Variants in OTUD7B observed in about 807,000 individuals in gnomAD.
OTUD7B encodes OTU deubiquitinase 7B, also known as OTU domain-containing protein 7B.
In OTUD7B, 34 loss-of-function variants were observed where a neutral mutation model predicts 82.2. That is an observed-to-expected ratio of 0.41 (90% CI 0.31 to 0.55). OTUD7B has a LOEUF of 0.55. OTUD7B is among the 20% of genes least tolerant of loss of function. OTUD7B has a pLI of 0.20. For missense variants in OTUD7B, 944 were observed against 1,062.1 expected (o/e 0.89, Z 1.55); for synonymous variants, 398 against 402.7 (o/e 0.99, Z 0.14).
the OTUD7B span, among the ~76,000 whole-genome samples, chr1:150,048,106 T>A: frequency 6.6e-6 from 1 of 152,066 alleles, no homozygotes; most frequent in Non-Finnish European, 1.5e-5. Flanking sequence ...AAATAGTTCC[T>A]AAATATCCCA....
rs1553771666 is a variant in OTUD7B at position 149,944,813 on chromosome 1, G to C, written c.1576C>G (p.His526Asp). Reference protein sequence around the residue: ...KLKKNMGGLMHSKGSKPGGVG... With the variant: ...KLKKNMGGLMDSKGSKPGGVG... ...CCTCCAGGCTTTGAACCCTTGCTGT[G>C]CATCAGGCCCCCCATGTTCTTCTTG... The change falls in exon 12 of 12, where the codon CAC (histidine) becomes GAC (aspartate). Residue 526 changes from histidine to aspartate, a missense_variant. His to Asp is a moderately conservative substitution (Grantham distance 81, BLOSUM62 -1). Around this residue, in one of 3 missense-constraint regions of OTUD7B, gnomAD observed 412 missense variants for 418.7 expected, o/e 0.98. Coordinates refer to ENST00000581312, the MANE Select transcript of OTUD7B (RefSeq NM_020205.4). 1.2e-6 allele frequency: 2 copies of C among 1,613,952 alleles called. No homozygotes were observed. Among genetic ancestry groups the C allele is most frequent in the Admixed American group, 3.3e-5 (2 of 59,990 alleles).
At chr1:150,000,283 G>A (rs782346728) in intron 1 of OTUD7B, among the ~76,000 whole-genome samples, 1 of 152,074 alleles carries the variant, frequency 6.6e-6, no homozygotes, top group Non-Finnish European at 1.5e-5. Context: ...AGACCAGCCT[G>A]GCTAACATTA....
intron 1 of OTUD7B, among the ~76,000 whole-genome samples, chr1:149,979,775 C>A (rs1650585295): frequency 6.6e-6 from 1 of 152,078 alleles, no homozygotes; most frequent in Non-Finnish European, 1.5e-5. Flanking sequence ...TGAATCCTCC[C>A]CCTACCCCCC....
chr1:150,065,257 A>T, the OTUD7B span, among the ~76,000 whole-genome samples: 1 of 152,062 alleles, frequency 6.6e-6, no homozygotes, highest in Non-Finnish European at 1.5e-5. Context: ...ATTTTTTTGT[A>T]CAGACAGAGT....
intron 1 of OTUD7B, among the ~76,000 whole-genome samples, chr1:149,990,762 G>A (rs782646886): frequency 3.3e-5 from 5 of 152,262 alleles, no homozygotes; most frequent in East Asian, 1.9e-4. Flanking sequence ...TTGGGAGGCC[G>A]AGGCAGGTGG....
At chr1:149,955,794 G>A (rs1456814386) in intron 7 of OTUD7B, among the ~76,000 whole-genome samples, 1 of 151,746 alleles carries the variant, frequency 6.6e-6, no homozygotes, top group Admixed American at 6.6e-5. Context: ...ATTATGTAAT[G>A]GCCTTGTCTC....
chr1:149,950,021 C>T (rs1169780407), intron 8 of OTUD7B, 73 bp downstream of exon 8: 1 of 1,581,132 alleles, frequency 6.3e-7, no homozygotes, highest in African/African-American at 1.4e-5. Flanking sequence ...TCCTGCCTTC[C>T]TTCCAATGCT....
upstream of OTUD7B, among the ~76,000 whole-genome samples, chr1:150,015,695 T>C (rs782055903): frequency 2.1e-4 from 32 of 152,262 alleles, no homozygotes; most frequent in Non-Finnish European, 3.4e-4. Context: ...CCATCCTCCT[T>C]CTTCCTCCAT....
intron 1 of OTUD7B, among the ~76,000 whole-genome samples, chr1:149,984,366 T>C (rs1650991359): frequency 6.6e-6 from 1 of 152,240 alleles, no homozygotes; most frequent in Non-Finnish European, 1.5e-5. Flanking sequence ...AAAATAGGCT[T>C]CTGCAGAAAG....
chr1:149,982,864 T>A (rs1175404046), intron 1 of OTUD7B, among the ~76,000 whole-genome samples: 1 of 138,308 alleles, frequency 7.2e-6, no homozygotes, highest in Non-Finnish European at 1.6e-5. Flanking sequence ...TTTTTTTTTT[T>A]AAGACGGAGT....
intron 7 of OTUD7B, among the ~76,000 whole-genome samples, chr1:149,955,902 TC>T (rs1422835438): frequency 6.6e-6 from 1 of 152,190 alleles, no homozygotes; most frequent in East Asian, 1.9e-4. Context: ...TCTTCCTCCA[TC>T]CCTTTATTTT....
chr1:150,058,129 C>T, the OTUD7B span, among the ~76,000 whole-genome samples: 9 of 152,300 alleles, frequency 5.9e-5, no homozygotes, highest in Non-Finnish European at 8.8e-5. Flanking sequence ...TCCTTGTATT[C>T]GCTCAGCCCC....
chr1:150,047,486 T>C, the OTUD7B span, among the ~76,000 whole-genome samples: 1 of 152,028 alleles, frequency 6.6e-6, no homozygotes, highest in African/African-American at 2.4e-5. Flanking sequence ...TAAGAGAGAT[T>C]AGGGATTTTT....
At chr1:149,964,371 G>T in intron 5 of OTUD7B, 22 bp from the exon 6 acceptor site, 1 of 1,609,574 alleles carries the variant, frequency 6.2e-7, no homozygotes, top group South Asian at 1.1e-5. Flanking sequence ...AAGCATAATG[G>T]TAAGATACCT....
chr1:149,946,465 G>T (rs979422807), intron 11 of OTUD7B, among the ~76,000 whole-genome samples: 2 of 152,128 alleles, frequency 1.3e-5, no homozygotes, highest in African/African-American at 2.4e-5. Context: ...GAAAGGGCTG[G>T]GTGTGGTGGC....
intron 7 of OTUD7B, among the ~76,000 whole-genome samples, chr1:149,958,125 C>A (rs1648841461): frequency 6.6e-6 from 1 of 152,132 alleles, no homozygotes; most frequent in Admixed American, 6.5e-5. Flanking sequence ...ATGCTGGGAG[C>A]TGTAGACTGG....
intron 1 of OTUD7B, among the ~76,000 whole-genome samples, chr1:149,997,207 AAAG>A (rs1219576370): frequency 6.6e-6 from 1 of 152,202 alleles, no homozygotes; most frequent in Non-Finnish European, 1.5e-5. Flanking sequence ...AAGTCTGGCA[AAAG>A]AAGAAAACAA....
chr1:149,943,580 G>T lies in OTUD7B; in HGVS notation c.*277C>A. 2.5e-6 allele frequency: 1 copy of T among 406,910 alleles called. No homozygotes were observed. The highest frequency in any genetic ancestry group is 4.0e-5 in the South Asian group (1 of 25,162). The allele number at this position is 406,910 out of a possible 1,614,324, so 25.2% of individuals were successfully genotyped here. A position where few individuals can be genotyped will look rare whatever the true frequency, so the allele number is the denominator to read the frequency against. On this transcript the variant is annotated 3_prime_UTR_variant, in exon 12 of 12. Transcript: ENST00000581312. ...TTAGGTCCCTGGATGGGACCCAGGA[G>T]GTTATAAGACAGAATCGCCATCTTT...
At chr1:150,002,891 C>T (rs1553785199) in intron 1 of OTUD7B, among the ~76,000 whole-genome samples, 1 of 152,214 alleles carries the variant, frequency 6.6e-6, no homozygotes, top group East Asian at 1.9e-4. Context: ...CCACCCTACA[C>T]ACCACTGACA....
Sources: allele counts gnomAD v4.1 joint callset (sites outside exome capture counted in the v4.1 genomes callset), GRCh38; gene constraint gnomAD v4.1.1; regional missense constraint gnomAD v4.1.1; transcripts MANE v1.5; gene names NCBI Gene and HGNC (gene_info 2026-07-23, HGNC 2026-07-21).